The following ELMO1 variants were observed in gnomAD, a reference collection of about 807,000 sequenced individuals.
The protein encoded by ELMO1 is engulfment and cell motility 1.
A neutral mutation model predicts 98.9 loss-of-function variants in ELMO1; 26 were observed. The observed-to-expected ratio is 0.26, with a 90% CI of 0.19 to 0.36. The LOEUF is 0.36. Among genes scored for constraint, ELMO1 ranks in the 10% least tolerant of loss-of-function variants. ELMO1 has a pLI of 1.00. For synonymous variants in ELMO1, 346 were observed against 346.0 expected (o/e 1.00, Z 0.00); for missense variants, 627 against 935.2 (o/e 0.67, Z 4.30).
At chr7:37,136,960 A>C (rs1787304305) in intron 13 of ELMO1, among the ~76,000 whole-genome samples, 2 of 152,328 alleles carry the variant, frequency 1.3e-5, no homozygotes, top group South Asian at 2.1e-4. Context: ...GCTTCACTTA[A>C]AAGGTACAGA....
chr7:37,430,734 G>T (rs1047702045), intron 1 of ELMO1, among the ~76,000 whole-genome samples: 6 of 152,248 alleles, frequency 3.9e-5, no homozygotes, highest in African/African-American at 1.4e-4. Flanking sequence ...CGAGGCCAAA[G>T]AATTCTGCTG....
At chr7:37,333,572 CTG>C (rs1800246280) in intron 2 of ELMO1, among the ~76,000 whole-genome samples, 1 of 152,192 alleles carries the variant, frequency 6.6e-6, no homozygotes, top group South Asian at 2.1e-4. Flanking sequence ...GATATGTTTG[CTG>C]TGTTTTTCTT....
rs557005130 is a variant in ELMO1 at position 37,438,624 on chromosome 7, G to A, written c.-74+10051C>T. Among the ~76,000 whole-genome samples, 3 of 151,750 alleles carry A rather than the reference G, an allele frequency of 2.0e-5. No homozygotes were observed. The South Asian group carries it at 6.2e-4, about 32-fold the overall frequency. On this transcript the variant is annotated intron_variant, in intron 1 of 21. Transcript: ENST00000310758. ...CAAAAAAAAAAACACTACTGAATCAGTGATAATAACCTCAATAATAATAGC... is the reference window on the plus strand; with the variant it reads ...CAAAAAAAAAAACACTACTGAATCAATGATAATAACCTCAATAATAATAGC...
At chr7:37,086,499 T>C (rs1211471013) in intron 15 of ELMO1, among the ~76,000 whole-genome samples, 1 of 151,910 alleles carries the variant, frequency 6.6e-6, no homozygotes, top group African/African-American at 2.4e-5. Context: ...TCCCAGCACT[T>C]TGGGAGGCTG....
chr7:37,089,097 T>A (rs1783932314), intron 15 of ELMO1, among the ~76,000 whole-genome samples: 1 of 152,230 alleles, frequency 6.6e-6, no homozygotes, highest in Admixed American at 6.5e-5. Context: ...TGACGGATGG[T>A]ACTTCTCAAG....
intron 1 of ELMO1, among the ~76,000 whole-genome samples, chr7:37,426,130 CTTTTTTTCTTTCTT>C (rs1352490424): frequency 1.5e-5 from 2 of 134,012 alleles, no homozygotes; most frequent in Non-Finnish European, 3.2e-5. Context: ...CTCTCTCCCT[CTTTTTTTCTTTCTT>C]TTTTTTTTTT....
intron 2 of ELMO1, among the ~76,000 whole-genome samples, chr7:37,318,364 G>A (rs188598991): frequency 1.4e-4 from 22 of 152,186 alleles, no homozygotes; most frequent in South Asian, 4.2e-4. Flanking sequence ...CATAAATAAC[G>A]GAGCCAGGTT....
intron 4 of ELMO1, among the ~76,000 whole-genome samples, chr7:37,279,300 A>G (rs1797017039): frequency 6.6e-6 from 1 of 152,206 alleles, no homozygotes; most frequent in African/African-American, 2.4e-5. Context: ...CTAAGGCTTT[A>G]AAATGGCAAA....
At chr7:37,345,920 C>T (rs868863662) in intron 1 of ELMO1, among the ~76,000 whole-genome samples, 5 of 148,688 alleles carry the variant, frequency 3.4e-5, no homozygotes, top group African/African-American at 1.2e-4. Context: ...ACCCAGGAGG[C>T]AGAGCTTGCA....
intron 13 of ELMO1, among the ~76,000 whole-genome samples, chr7:37,134,125 C>T (rs1787106475): frequency 6.6e-6 from 1 of 151,632 alleles, no homozygotes; most frequent in African/African-American, 2.4e-5. Flanking sequence ...TAACAGATGG[C>T]AAGAAAAGGG....
intron 16 of ELMO1, among the ~76,000 whole-genome samples, chr7:36,937,198 T>C (rs1786611269): frequency 6.6e-6 from 1 of 152,232 alleles, no homozygotes; most frequent in Non-Finnish European, 1.5e-5. Flanking sequence ...AACAGTGCCA[T>C]TGCAGATGTA....
chr7:37,342,252 G>A lies in ELMO1; in HGVS notation c.78+361C>T, dbSNP rs1562629409. On this transcript the variant is annotated intron_variant, in intron 2 of 21. Coordinates refer to ENST00000310758, the MANE Select transcript of ELMO1 (RefSeq NM_014800.11). This position sits in a 1 kb window ranked among gnomAD's most constrained non-coding sequence, Gnocchi z 4.3. ...AAAAAAAAGGGATTTTAAAAATTAA[G>A]TTTTGTCTTGCCTGTGTTCCAACAA... Among the ~76,000 whole-genome samples the A allele has an allele frequency of 6.6e-6, 1 of 152,194 alleles. No homozygotes were observed. The highest frequency in any genetic ancestry group is 1.5e-5 in the Non-Finnish European group (1 of 68,028).
At chr7:37,239,281 C>G (rs932271444) in intron 7 of ELMO1, among the ~76,000 whole-genome samples, 8 of 152,186 alleles carry the variant, frequency 5.3e-5, no homozygotes, top group African/African-American at 1.9e-4. Context: ...TTCTCTGCCT[C>G]AGTCTCTCAA....
chr7:37,330,927 T>A (rs1300125504), intron 2 of ELMO1, among the ~76,000 whole-genome samples: 2 of 152,164 alleles, frequency 1.3e-5, no homozygotes, highest in Non-Finnish European at 2.9e-5. Flanking sequence ...GTTGATCTGA[T>A]AACGGAAATG....
chr7:37,356,557 T>G (rs970274725), intron 1 of ELMO1, among the ~76,000 whole-genome samples: 1 of 151,948 alleles, frequency 6.6e-6, no homozygotes, highest in African/African-American at 2.4e-5. Context: ...CACTCATAAG[T>G]GGGAGTTGAA....
intron 16 of ELMO1, among the ~76,000 whole-genome samples, chr7:36,966,451 C>T (rs1241329274): frequency 1.3e-5 from 2 of 152,184 alleles, no homozygotes; most frequent in Admixed American, 6.5e-5. Context: ...TGCTGTTTCA[C>T]GTGACAAGGT....
chr7:37,108,495 T>C (rs192216061), intron 14 of ELMO1, among the ~76,000 whole-genome samples: 9 of 152,342 alleles, frequency 5.9e-5, no homozygotes, highest in African/African-American at 2.2e-4. Flanking sequence ...CTTCTGAGTT[T>C]TTTCATTCAC....
chr7:37,103,826 C>A (rs1784784046), intron 14 of ELMO1, among the ~76,000 whole-genome samples: 1 of 150,824 alleles, frequency 6.6e-6, no homozygotes, highest in Non-Finnish European at 1.5e-5. Flanking sequence ...GAAATCCCAT[C>A]TCTACTAAGA....
chr7:37,141,661 T>A (rs1225967712), intron 13 of ELMO1, among the ~76,000 whole-genome samples: 3 of 152,230 alleles, frequency 2.0e-5, no homozygotes, highest in Non-Finnish European at 4.4e-5. Flanking sequence ...TTTTGCCTCA[T>A]GATCCAGATA....
Sources: gnomAD v4.1 joint callset for allele counts (sites outside exome capture counted in the v4.1 genomes callset) on GRCh38, gnomAD v4.1.1 for gene constraint, Gnocchi (gnomAD v3.1) non-coding constraint, MANE v1.5 for transcripts, NCBI Gene and HGNC (gene_info 2026-07-23, HGNC 2026-07-21) for gene names.